SHC3: variants seen among roughly 807,000 people sequenced by gnomAD.
SHC3 encodes SHC-transforming protein 3.
A neutral mutation model predicts 60.4 loss-of-function variants in SHC3; 15 were observed. That is an observed-to-expected ratio of 0.25 (90% confidence interval 0.17 to 0.38). SHC3 has a LOEUF of 0.38. Among genes scored for constraint, SHC3 ranks in the 10% least tolerant of loss-of-function variants. The probability of loss-of-function intolerance (pLI) is 1.00; values close to 1 mark genes in which losing one functional copy is unlikely to be tolerated. For missense variants in SHC3, 677 were observed against 786.1 expected (o/e 0.86, Z 1.66); for synonymous variants, 294 against 325.9 (o/e 0.90, Z 1.05).
intron 11 of SHC3, among the ~76,000 whole-genome samples, chr9:89,037,201 C>T (rs1402540581): frequency 6.6e-6 from 1 of 152,198 alleles, no homozygotes; most frequent in East Asian, 1.9e-4. Context: ...CCGACACATG[C>T]AGTTTAATTG....
chr9:89,177,910 C>T, intron 1 of SHC3, 77 bp downstream of exon 1: 1 of 1,146,496 alleles, frequency 8.7e-7, no homozygotes, highest in Non-Finnish European at 1.1e-6. Flanking sequence ...GCACCCCGGG[C>T]TTCAGGGAAT....
chr9:89,139,855 T>G (rs990996730), intron 1 of SHC3, among the ~76,000 whole-genome samples: 6 of 152,230 alleles, frequency 3.9e-5, no homozygotes, highest in Non-Finnish European at 7.3e-5. Flanking sequence ...AGCATGGCTC[T>G]CCATATGTCC....
chr9:89,067,506 C>A (rs1019526591), intron 5 of SHC3, among the ~76,000 whole-genome samples: 4 of 152,204 alleles, frequency 2.6e-5, no homozygotes, highest in African/African-American at 9.6e-5. Flanking sequence ...GGATTTCCAA[C>A]ATTATGATTG....
chr9:89,109,375 G>A (rs1284990436), intron 2 of SHC3: 3 of 971,074 alleles, frequency 3.1e-6, no homozygotes, highest in East Asian at 2.3e-4. Flanking sequence ...GCACACCCAG[G>A]CTCATGCACA....
intron 11 of SHC3, chr9:89,037,547 C>T (rs975144648): frequency 2.8e-6 from 2 of 716,822 alleles, no homozygotes. Flanking sequence ...AAACAAGAGA[C>T]TTAGCAATGG....
intron 2 of SHC3, among the ~76,000 whole-genome samples, chr9:89,091,811 A>G (rs988557808): frequency 6.6e-6 from 1 of 152,144 alleles, no homozygotes; most frequent in Non-Finnish European, 1.5e-5. Flanking sequence ...TCTACTTTCT[A>G]TCTTCATGAA....
intron 6 of SHC3, among the ~76,000 whole-genome samples, chr9:89,057,309 CT>C (rs1257300922): frequency 1.7e-5 from 2 of 115,196 alleles, no homozygotes; most frequent in East Asian, 2.6e-4. Flanking sequence ...TCCAGTTTTC[CT>C]TTTTCTTTTT....
intron 4 of SHC3, among the ~76,000 whole-genome samples, chr9:89,073,075 C>T (rs768967662): frequency 4.6e-5 from 7 of 152,044 alleles, no homozygotes; most frequent in East Asian, 1.9e-4. Context: ...TTCCCTCTGG[C>T]GCAAAGGTAG....
intron 6 of SHC3, among the ~76,000 whole-genome samples, chr9:89,056,687 G>A (rs1037592413): frequency 3.9e-5 from 6 of 152,232 alleles, no homozygotes; most frequent in African/African-American, 9.6e-5. Flanking sequence ...TGGCAGCAGA[G>A]AGCCCTGCCT....
intron 2 of SHC3, among the ~76,000 whole-genome samples, chr9:89,083,773 C>T (rs2118033720): frequency 1.3e-5 from 2 of 152,316 alleles, no homozygotes; most frequent in South Asian, 4.1e-4. Context: ...CTCTTTTTCT[C>T]ATGGGTCATT....
chr9:89,085,424 T>G (rs1426493455), intron 2 of SHC3, among the ~76,000 whole-genome samples: 1 of 152,226 alleles, frequency 6.6e-6, no homozygotes, highest in East Asian at 1.9e-4. Context: ...GAGGCCAGTC[T>G]GTCTCCCGTG....
chr9:89,102,609 G>A (rs1299028545), intron 2 of SHC3, among the ~76,000 whole-genome samples: 1 of 152,088 alleles, frequency 6.6e-6, no homozygotes, highest in Admixed American at 6.5e-5. Flanking sequence ...TTTTTTTGTA[G>A]TTGTAAAATA....
intron 11 of SHC3, among the ~76,000 whole-genome samples, chr9:89,029,630 G>C (rs975880614): frequency 6.6e-6 from 1 of 152,132 alleles, no homozygotes; most frequent in South Asian, 2.1e-4. Context: ...CTGGGATGAT[G>C]AGTTTGCCCT....
rs1208575255 is a variant in SHC3 at position 89,098,783 on chromosome 9, C to G, written c.545+13773G>C. The stretch of plus-strand genomic sequence containing the variant: ...CTGAGATTGCGCCACTGCACTCCAG[C>G]GTGGGTGAGAATGAGACCCCATCTC... On this transcript the variant is annotated intron_variant, in intron 2 of 11. Coordinates refer to ENST00000375835, the MANE Select transcript of SHC3 (RefSeq NM_016848.6). Among the ~76,000 whole-genome samples the G allele has an allele frequency of 2.7e-5, 4 of 150,256 alleles. No homozygotes were observed. The Admixed American group carries it at 2.7e-4, about 10-fold the overall frequency.
chr9:89,129,635 G>A (rs113031322), intron 1 of SHC3, among the ~76,000 whole-genome samples: 2,145 of 152,220 alleles, frequency 0.014, 25 homozygotes, highest in African/African-American at 0.028. Flanking sequence ...TTTCAACCCC[G>A]AATTTCATAT....
At chr9:89,173,466 T>C (rs886902209) in intron 1 of SHC3, among the ~76,000 whole-genome samples, 1 of 152,264 alleles carries the variant, frequency 6.6e-6, no homozygotes, top group Non-Finnish European at 1.5e-5. Context: ...GAAGCAGCCA[T>C]CTGTTCTTTA....
At position 89,062,826 on chromosome 9, in the gene SHC3, T is replaced by C. The variant is rs144276170; in HGVS notation, c.835+2703A>G. Among the ~76,000 whole-genome samples, 994 of 152,236 alleles carry C rather than the reference T, an allele frequency of 6.5e-3. 9 individuals carry two copies. The highest frequency in any genetic ancestry group is 0.023 in the African/African-American group (950 of 41,544). On this transcript the variant is annotated intron_variant, in intron 6 of 11. Transcript: ENST00000375835. ...AGGCCAATCTTCCTAAATTAACCCC[T>C]GTACATGGCATAGGGGAGGAAGAAA...
intron 2 of SHC3, chr9:89,109,004 C>T (rs781179057): frequency 9.7e-5 from 93 of 959,312 alleles, no homozygotes; most frequent in South Asian, 5.8e-4. Flanking sequence ...AAGCATTCCT[C>T]GACTTCTGAC....
At chr9:89,063,288 C>T (rs1825122481) in intron 6 of SHC3, among the ~76,000 whole-genome samples, 1 of 152,206 alleles carries the variant, frequency 6.6e-6, no homozygotes, top group Non-Finnish European at 1.5e-5. Context: ...CACCACCACG[C>T]CCAGCTAATT....
Sources: allele counts gnomAD v4.1 joint callset (sites outside exome capture counted in the v4.1 genomes callset), GRCh38; gene constraint gnomAD v4.1.1; transcripts MANE v1.5; gene names NCBI Gene and HGNC (gene_info 2026-07-23, HGNC 2026-07-21).